Variants in CNGB3 observed in about 807,000 individuals in gnomAD.
The protein encoded by CNGB3 is cyclic nucleotide-gated channel beta-3.
In CNGB3, 86 loss-of-function variants were observed where a neutral mutation model predicts 92.8. That is an observed-to-expected ratio of 0.93 (90% CI 0.78 to 1.11). The LOEUF is 1.11. CNGB3 is among the 50% of genes least tolerant of loss of function. CNGB3 has a pLI of 0.00. For synonymous variants in CNGB3, 333 were observed against 332.7 expected, an observed-to-expected ratio of 1.00 and a Z score of -0.01; for missense variants, 1,026 against 956.8, an observed-to-expected ratio of 1.07 and a Z score of -0.95.
intron 10 of CNGB3, among the ~76,000 whole-genome samples, chr8:86,636,342 C>T (rs13282942): frequency 0.08 from 12,102 of 151,662 alleles, 531 homozygotes; most frequent in African/African-American, 0.11. Context: ...TAGGCTGAGG[C>T]GGGTGGATCA....
At chr8:86,733,525 T>A (rs560921259) in intron 2 of CNGB3, among the ~76,000 whole-genome samples, 1 of 152,316 alleles carries the variant, frequency 6.6e-6, no homozygotes, top group East Asian at 1.9e-4. Flanking sequence ...TCTGCTTGAG[T>A]AGTTTTGATA....
intron 14 of CNGB3, among the ~76,000 whole-genome samples, chr8:86,608,404 A>G (rs1822452182): frequency 6.6e-6 from 1 of 152,250 alleles, no homozygotes; most frequent in South Asian, 2.1e-4. Flanking sequence ...ACCGTGGTCT[A>G]GCAGTAGCAA....
Position 86,674,211 on chromosome 8 carries a change from G to C in CNGB3, c.339-3113C>G, listed in dbSNP as rs17611950. 2.6e-3 allele frequency among the ~76,000 whole-genome samples: 395 copies of C among 152,270 alleles called. 2 individuals are homozygous for C. The highest frequency in any genetic ancestry group is 4.9e-3 in the Non-Finnish European group (332 of 68,026). ...TCTCCAGTGTCCCAAGATCTGAGGA[G>C]AATATTTTTTCTTTCCCTGAATTAT... On this transcript the variant is annotated intron_variant, in intron 3 of 17. Coordinates refer to ENST00000320005, the MANE Select transcript of CNGB3 (RefSeq NM_019098.5).
chr8:86,577,801 G>T (rs1162610602), intron 17 of CNGB3, among the ~76,000 whole-genome samples: 1 of 152,124 alleles, frequency 6.6e-6, no homozygotes, highest in Non-Finnish European at 1.5e-5. Flanking sequence ...AGTATTTCAG[G>T]ACTATGCTTG....
chr8:86,631,366 G>A (rs986383584), intron 11 of CNGB3, among the ~76,000 whole-genome samples: 6 of 152,048 alleles, frequency 3.9e-5, no homozygotes, highest in African/African-American at 1.5e-4. Context: ...AAATCGTCTT[G>A]CACATAGTAA....
intron 13 of CNGB3, among the ~76,000 whole-genome samples, chr8:86,622,922 C>T (rs1822769036): frequency 6.6e-6 from 1 of 152,152 alleles, no homozygotes. Context: ...GGAAATCTAG[C>T]ACAGGCCATA....
intron 15 of CNGB3, among the ~76,000 whole-genome samples, chr8:86,595,152 C>A (rs1264197271): frequency 6.6e-6 from 1 of 151,906 alleles, no homozygotes; most frequent in African/African-American, 2.4e-5. Context: ...TACCTGACTT[C>A]AAGTCAAGAG....
chr8:86,644,959 A>G lies in CNGB3; in HGVS notation c.991-273T>C, dbSNP rs553808991. On this transcript the variant is annotated intron_variant, in intron 8 of 17. Coordinates refer to ENST00000320005, the MANE Select transcript of CNGB3 (RefSeq NM_019098.5). The stretch of plus-strand genomic sequence containing the variant: ...TTGTTGAAAATGAAACTTAAAAAAC[A>G]TTGTTTTCCTTTTTGTTTTGAAAGC... Among the ~76,000 whole-genome samples the G allele has an allele frequency of 9.9e-5, 15 of 151,294 alleles. No individual in the cohort carries two copies. The East Asian group carries it at 2.7e-3, about 27-fold the overall frequency.
chr8:86,739,954 T>C (rs1347900057), intron 1 of CNGB3, among the ~76,000 whole-genome samples: 2 of 152,226 alleles, frequency 1.3e-5, no homozygotes, highest in Non-Finnish European at 2.9e-5. Flanking sequence ...GTTTTTTCAG[T>C]GTGGATTCTG....
At chr8:86,657,448 GC>G in intron 6 of CNGB3, 1 of 515,886 alleles carries the variant, frequency 1.9e-6, no homozygotes, top group Non-Finnish European at 4.0e-6. Context: ...AGGGGTTGCT[GC>G]CCAAGCCTGG....
At chr8:86,711,787 C>T (rs1295797344) in intron 3 of CNGB3, among the ~76,000 whole-genome samples, 1 of 151,116 alleles carries the variant, frequency 6.6e-6, no homozygotes, top group Non-Finnish European at 1.5e-5. Flanking sequence ...ATACAAAGCA[C>T]AGATGGAGGC....
intron 3 of CNGB3, among the ~76,000 whole-genome samples, chr8:86,722,747 G>C (rs1447806798): frequency 6.6e-6 from 1 of 152,114 alleles, no homozygotes; most frequent in East Asian, 1.9e-4. Flanking sequence ...GTTTAAGCTT[G>C]GACATTGGTC....
chr8:86,743,478 A>G, intron 1 of CNGB3, 21 bp downstream of exon 1: 1 of 1,613,904 alleles, frequency 6.2e-7, no homozygotes, highest in Non-Finnish European at 8.5e-7. Context: ...CAAGGCTTGC[A>G]TAGGAATGTA....
chr8:86,668,185 A>AG lies in CNGB3; in HGVS notation c.494-18_494-17insC. On this transcript the variant is annotated splice_polypyrimidine_tract_variant and intron_variant, in intron 4 of 17. Coordinates refer to ENST00000320005, the MANE Select transcript of CNGB3 (RefSeq NM_019098.5). ...TGGGCTTTGCTTCATAGGGAAAAAA[A>AG]AAAAGATGAAACATTTGAAGAGGTT... is the stretch of plus-strand genomic sequence containing the variant. 6.2e-7 allele frequency: 1 copy of AG among 1,613,498 alleles called. No homozygotes were observed. Among genetic ancestry groups the AG allele is most frequent in the South Asian group, 1.1e-5 (1 of 91,036 alleles).
intron 1 of CNGB3, among the ~76,000 whole-genome samples, chr8:86,740,302 A>G (rs1825318738): frequency 6.6e-6 from 1 of 152,228 alleles, no homozygotes; most frequent in Admixed American, 6.5e-5. Context: ...AAACAAACAC[A>G]CAAAAATGTT....
At chr8:86,659,732 G>A in intron 6 of CNGB3, 1 of 369,094 alleles carries the variant, frequency 2.7e-6, no homozygotes, top group Non-Finnish European at 5.4e-6. Flanking sequence ...TCGGACATGA[G>A]GATCCCTATG....
At position 86,693,696 on chromosome 8, in the gene CNGB3, C is replaced by T. The variant is rs4636225; in HGVS notation, c.339-22598G>A. Among the ~76,000 whole-genome samples, 1,289 of 150,836 alleles carry T rather than the reference C, an allele frequency of 8.5e-3. 19 individuals carry two copies. The highest frequency in any genetic ancestry group is 0.029 in the African/African-American group (1,207 of 41,054). On this transcript the variant is annotated intron_variant, in intron 3 of 17. Coordinates refer to ENST00000320005, the MANE Select transcript of CNGB3 (RefSeq NM_019098.5). ...CATCTGTTTAACAAAGCACATCTTGCGCCGCCCTTAATCCATTTAACCCTG... is the reference window on the plus strand; with the variant it reads ...CATCTGTTTAACAAAGCACATCTTGTGCCGCCCTTAATCCATTTAACCCTG...
chr8:86,660,912 T>C (rs1823628404), intron 6 of CNGB3: 1 of 314,800 alleles, frequency 3.2e-6, no homozygotes. Context: ...TCTTAAGAAA[T>C]ACTCCTACCC....
At chr8:86,658,177 G>A (rs932677719) in intron 6 of CNGB3, 2 of 544,156 alleles carry the variant, frequency 3.7e-6, no homozygotes, top group Non-Finnish European at 6.8e-6. Flanking sequence ...CACCAGGTGA[G>A]CCAGACACTG....
Sources: gnomAD v4.1 joint callset for allele counts (sites outside exome capture counted in the v4.1 genomes callset) on GRCh38, gnomAD v4.1.1 for gene constraint, MANE v1.5 for transcripts, NCBI Gene and HGNC (gene_info 2026-07-23, HGNC 2026-07-21) for gene names.